Variants in SCD5 observed in about 807,000 individuals in gnomAD.
The protein encoded by SCD5 is acyl-CoA-desaturase 4.
Under a neutral mutation model 30.4 loss-of-function variants are expected in SCD5, and 20 were observed. That is an observed-to-expected ratio of 0.66 (90% confidence interval 0.46 to 0.96). The LOEUF is 0.96. SCD5 is among the 40% of genes least tolerant of loss of function. SCD5 has a pLI of 0.00. For missense variants in SCD5, 381 were observed against 443.3 expected (o/e 0.86, Z 1.26); for synonymous variants, 173 against 176.4 (o/e 0.98, Z 0.16).
intron 1 of SCD5, among the ~76,000 whole-genome samples, chr4:82,722,226 C>T (rs371659387): frequency 3.3e-5 from 5 of 152,274 alleles, no homozygotes; most frequent in African/African-American, 1.2e-4. Context: ...CCTTTATATC[C>T]TCTTAACAGT....
At chr4:82,679,271 AGAAAGAAAGAAGGAAG>A (rs1728513476) in intron 3 of SCD5, among the ~76,000 whole-genome samples, 1 of 117,586 alleles carries the variant, frequency 8.5e-6, no homozygotes, top group African/African-American at 3.1e-5. Context: ...AAGGAAGGAA[AGAAAGAAAGAAGGAAG>A]GAAAGAAAGA....
chr4:82,709,001 A>C (rs996597600), intron 1 of SCD5, among the ~76,000 whole-genome samples: 12 of 152,142 alleles, frequency 7.9e-5, no homozygotes, highest in Non-Finnish European at 1.6e-4. Context: ...CCACAAGTGT[A>C]GGGGGTAGGT....
chr4:82,682,248 C>A (rs1368343921), intron 2 of SCD5, among the ~76,000 whole-genome samples: 1 of 152,112 alleles, frequency 6.6e-6, no homozygotes, highest in East Asian at 1.9e-4. Flanking sequence ...GGGAGCACAC[C>A]CTATTGGACT....
intron 3 of SCD5, among the ~76,000 whole-genome samples, chr4:82,668,089 C>G (rs910258626): frequency 6.6e-6 from 1 of 152,172 alleles, no homozygotes; most frequent in African/African-American, 2.4e-5. Flanking sequence ...ATAGGTTAAA[C>G]AGCTTTTGTT....
intron 1 of SCD5, among the ~76,000 whole-genome samples, chr4:82,742,281 C>G (rs1720891511): frequency 6.6e-6 from 1 of 152,118 alleles, no homozygotes; most frequent in South Asian, 2.1e-4. Context: ...AGGAGCTAGT[C>G]TGCCTTTCTG....
At chr4:82,641,428 GA>G (rs933779236) in intron 3 of SCD5, among the ~76,000 whole-genome samples, 1 of 152,010 alleles carries the variant, frequency 6.6e-6, no homozygotes, top group South Asian at 2.1e-4. Flanking sequence ...ATACCAGGAA[GA>G]AAAAAAGCAG....
chr4:82,712,307 A>AT (rs1291322569), intron 1 of SCD5, among the ~76,000 whole-genome samples: 1 of 18,276 alleles, frequency 5.5e-5, no homozygotes, highest in Non-Finnish European at 1.2e-4. Flanking sequence ...TTTTATTTTT[A>AT]TTTTATTTTT....
chr4:82,704,079 T>C (rs182078912), intron 2 of SCD5, among the ~76,000 whole-genome samples: 2 of 152,368 alleles, frequency 1.3e-5, no homozygotes, highest in Non-Finnish European at 2.9e-5. Context: ...CCACCAATTG[T>C]GTTTCCTAAT....
chr4:82,631,964 C>G (rs1727304829), intron 4 of SCD5, among the ~76,000 whole-genome samples: 1 of 151,910 alleles, frequency 6.6e-6, no homozygotes, highest in Admixed American at 6.6e-5. Flanking sequence ...CTAGAATGTA[C>G]TTATATATTA....
intron 2 of SCD5, chr4:82,692,282 C>A: frequency 6.5e-6 from 1 of 154,118 alleles, no homozygotes; most frequent in South Asian, 1.8e-4. Context: ...CCAGAGCACT[C>A]ATGAGGACAA....
At chr4:82,790,995 T>C (rs1210387025) in intron 1 of SCD5, among the ~76,000 whole-genome samples, 1 of 152,132 alleles carries the variant, frequency 6.6e-6, no homozygotes. Flanking sequence ...ATCCCAGCAC[T>C]TTGGGAGGCC....
intron 3 of SCD5, among the ~76,000 whole-genome samples, chr4:82,663,786 A>G (rs1244981045): frequency 9.9e-5 from 15 of 152,064 alleles, no homozygotes; most frequent in Admixed American, 3.3e-4. Context: ...GTGTTGGGAA[A>G]CCCTCACCCC....
intron 2 of SCD5, chr4:82,691,754 G>A (rs1719485750): frequency 6.6e-6 from 1 of 152,294 alleles, no homozygotes; most frequent in Non-Finnish European, 1.5e-5. Flanking sequence ...CAGAGACCTA[G>A]ATGGGCTTCT....
intron 1 of SCD5, among the ~76,000 whole-genome samples, chr4:82,715,935 A>G (rs1471880848): frequency 1.3e-5 from 2 of 151,812 alleles, no homozygotes; most frequent in Non-Finnish European, 2.9e-5. Flanking sequence ...TTGTGGCCAC[A>G]CTCAAGTATA....
chr4:82,760,058 T>A (rs975216618), intron 1 of SCD5, among the ~76,000 whole-genome samples: 1 of 152,078 alleles, frequency 6.6e-6, no homozygotes. Context: ...CAATTTCCCA[T>A]TCCATCTCCC....
intron 1 of SCD5, among the ~76,000 whole-genome samples, chr4:82,744,262 C>T (rs1292312262): frequency 6.6e-6 from 1 of 152,114 alleles, no homozygotes; most frequent in East Asian, 1.9e-4. Flanking sequence ...CAGTCTGTTC[C>T]CCAGACGGTT....
chr4:82,644,630 T>C (rs953803484), intron 3 of SCD5, among the ~76,000 whole-genome samples: 4 of 152,234 alleles, frequency 2.6e-5, no homozygotes, highest in Non-Finnish European at 5.9e-5. Context: ...AATCCCAAGG[T>C]TTCCCAAAAA....
At chr4:82,711,120 G>A (rs1720075532) in intron 1 of SCD5, among the ~76,000 whole-genome samples, 1 of 152,122 alleles carries the variant, frequency 6.6e-6, no homozygotes, top group Non-Finnish European at 1.5e-5. Context: ...TGCCTGGCAA[G>A]CAGTAAGCAC....
intron 1 of SCD5, among the ~76,000 whole-genome samples, chr4:82,751,775 C>T (rs1161255476): frequency 2.6e-5 from 4 of 152,082 alleles, no homozygotes; most frequent in African/African-American, 4.8e-5. Context: ...TACAGGCACG[C>T]GCCACTACGC....
Sources: allele counts gnomAD v4.1 joint callset (sites outside exome capture counted in the v4.1 genomes callset), GRCh38; gene constraint gnomAD v4.1.1; transcripts MANE v1.5; gene names NCBI Gene and HGNC (gene_info 2026-07-23, HGNC 2026-07-21).